WDR7: variants seen among roughly 807,000 people sequenced by gnomAD.
WDR7 encodes WD repeat-containing protein 7.
A neutral mutation model predicts 169.4 loss-of-function variants in WDR7; 46 were observed. The ratio of observed to expected loss-of-function variants is 0.27; its 90% CI spans 0.21 to 0.35. The LOEUF (loss-of-function observed/expected upper bound fraction) is 0.35, where lower values mean the gene tolerates loss of function less well. WDR7 is among the 10% of genes least tolerant of loss of function. WDR7 has a pLI of 1.00. For missense variants in WDR7, 1,534 were observed against 1,859.3 expected (o/e 0.83, Z 3.22); for synonymous variants, 612 against 666.8 (o/e 0.92, Z 1.27).
At chr18:57,025,365 C>T (rs2048353131) in intron 27 of WDR7, among the ~76,000 whole-genome samples, 1 of 152,048 alleles carries the variant, frequency 6.6e-6, no homozygotes, top group African/African-American at 2.4e-5. Flanking sequence ...TCAAATTAAG[C>T]TCATCATCAT....
chr18:56,842,112 A>G (rs2045495748), intron 20 of WDR7, among the ~76,000 whole-genome samples: 1 of 152,060 alleles, frequency 6.6e-6, no homozygotes, highest in Non-Finnish European at 1.5e-5. Context: ...TCATCAACAT[A>G]TTTGTTTTCA....
intron 20 of WDR7, among the ~76,000 whole-genome samples, chr18:56,866,447 G>A (rs1055033400): frequency 6.6e-5 from 10 of 151,188 alleles, no homozygotes; most frequent in African/African-American, 2.2e-4. Flanking sequence ...AGTAAAAGGT[G>A]GACTTCAGTT....
chr18:56,955,897 C>A (rs1463058321), intron 25 of WDR7, among the ~76,000 whole-genome samples: 7 of 152,088 alleles, frequency 4.6e-5, no homozygotes, highest in African/African-American at 1.7e-4. Flanking sequence ...TAGATCCAGG[C>A]AATAAGGAAC....
Position 57,015,471 on chromosome 18 carries a change from T to C in WDR7, c.4165-5274T>C, listed in dbSNP as rs2048193410. 2.6e-5 allele frequency among the ~76,000 whole-genome samples: 4 copies of C among 152,206 alleles called. No homozygotes were observed. In the South Asian group the frequency reaches 8.3e-4, roughly 32 times the overall value. On this transcript the variant is annotated intron_variant, in intron 26 of 27. Coordinates refer to ENST00000254442, the MANE Select transcript of WDR7 (RefSeq NM_015285.3). ...TTTTTTTTTCCTGGAACATAATTAA[T>C]TCTTAACTTTTAAACTCTTTTGAAA...
intron 20 of WDR7, among the ~76,000 whole-genome samples, chr18:56,828,906 C>T (rs2145270887): frequency 6.6e-6 from 1 of 152,120 alleles, no homozygotes; most frequent in Non-Finnish European, 1.5e-5. Context: ...AGCTGAGGAT[C>T]TAGTGATCCA....
chr18:57,007,170 G>A (rs531869489), intron 26 of WDR7, among the ~76,000 whole-genome samples: 2 of 152,044 alleles, frequency 1.3e-5, no homozygotes, highest in South Asian at 2.1e-4. Context: ...TAGTAGAGAC[G>A]GGGTTTCACC....
chr18:56,659,193 C>CAAT (rs3983277), intron 1 of WDR7, among the ~76,000 whole-genome samples: 139,557 of 152,000 alleles, frequency 0.92, 65,228 homozygotes, highest in East Asian at 1. Flanking sequence ...GGGAAAAAAA[C>CAAT]AATATGTTAA....
chr18:56,762,494 G>T (rs982557350), intron 16 of WDR7, among the ~76,000 whole-genome samples: 1 of 151,630 alleles, frequency 6.6e-6, no homozygotes, highest in African/African-American at 2.4e-5. Context: ...TGTCAGTTTT[G>T]TTAAGTAGTA....
intron 21 of WDR7, among the ~76,000 whole-genome samples, chr18:56,886,407 A>G (rs924389487): frequency 6.6e-6 from 1 of 152,212 alleles, no homozygotes; most frequent in Non-Finnish European, 1.5e-5. Context: ...AGGAAAGATA[A>G]AGTCTTTTTC....
intron 26 of WDR7, among the ~76,000 whole-genome samples, chr18:57,003,404 A>ATTTAAAAAGCACTCTTTTTAAAGTCC (rs2048010119): frequency 6.6e-6 from 1 of 152,104 alleles, no homozygotes; most frequent in African/African-American, 2.4e-5. Context: ...TTTGAACAAC[A>ATTTAAAAAGCACTCTTTTTAAAGTCC]TTTAAAAAGC....
intron 21 of WDR7, among the ~76,000 whole-genome samples, chr18:56,898,720 T>A (rs114947561): frequency 0.012 from 1,855 of 152,142 alleles, 45 homozygotes; most frequent in African/African-American, 0.04. Context: ...TCAGGAACTG[T>A]CACAGATTGA....
intron 13 of WDR7, 33 bp downstream of exon 13, chr18:56,718,192 A>G (rs1262368829): frequency 6.9e-7 from 1 of 1,443,124 alleles, no homozygotes; most frequent in Non-Finnish European, 9.2e-7. Context: ...ACTATAGAAA[A>G]TTAAATGGGT....
chr18:56,749,386 T>TTGTG (rs71863855), intron 14 of WDR7, among the ~76,000 whole-genome samples: 3,425 of 148,682 alleles, frequency 0.023, 49 homozygotes, highest in East Asian at 0.039. Context: ...GTGTGTGTGT[T>TTGTG]TGTGTGTGTG....
intron 16 of WDR7, among the ~76,000 whole-genome samples, chr18:56,763,542 G>T (rs1376903890): frequency 6.6e-6 from 1 of 152,184 alleles, no homozygotes; most frequent in Non-Finnish European, 1.5e-5. Flanking sequence ...AGGAAGTTTG[G>T]TCTTTAGTTT....
intron 20 of WDR7, among the ~76,000 whole-genome samples, chr18:56,873,260 G>A (rs1370227512): frequency 1.3e-5 from 2 of 152,126 alleles, no homozygotes; most frequent in Non-Finnish European, 2.9e-5. Context: ...CTATGTACAT[G>A]CCAACCTTTA....
In WDR7 at chr18:56,696,332, G is replaced by T; in HGVS notation, c.1448G>T (p.Arg483Ile). The change falls in exon 12 of 28, where the codon AGA becomes ATA. Residue 483 changes from arginine to isoleucine, a missense_variant. Transcript: ENST00000254442. Reference protein sequence around the residue: ...PHQVSARYDQRYLISGGVDFS... With the variant: ...PHQVSARYDQIYLISGGVDFS... ...CAGGTCTCAGCTCGGTATGATCAAA[G>T]ATACCTGATATCTGGAGGTGTGGAT... 1 of 1,614,156 alleles carries T rather than the reference G, an allele frequency of 6.2e-7. No homozygotes were observed. Among genetic ancestry groups the T allele is most frequent in the Non-Finnish European group, 8.5e-7 (1 of 1,180,018 alleles).
chr18:57,008,570 C>T (rs1363005096), intron 26 of WDR7, among the ~76,000 whole-genome samples: 1 of 152,196 alleles, frequency 6.6e-6, no homozygotes, highest in African/African-American at 2.4e-5. Context: ...TCACTTGGCA[C>T]ATGTTTGCTT....
chr18:57,024,992 G>A (rs1299672724), intron 27 of WDR7, among the ~76,000 whole-genome samples: 1 of 152,166 alleles, frequency 6.6e-6, no homozygotes, highest in Admixed American at 6.5e-5. Context: ...TATCAAAGTA[G>A]GGATGGCTCA....
At chr18:56,898,311 A>G (rs1468051837) in intron 21 of WDR7, among the ~76,000 whole-genome samples, 1 of 152,118 alleles carries the variant, frequency 6.6e-6, no homozygotes, top group Non-Finnish European at 1.5e-5. Context: ...ATTCTGGTTA[A>G]TAAATATAGC....
Sources: gnomAD v4.1 joint callset for allele counts (sites outside exome capture counted in the v4.1 genomes callset) on GRCh38, gnomAD v4.1.1 for gene constraint, MANE v1.5 for transcripts, NCBI Gene and HGNC (gene_info 2026-07-23, HGNC 2026-07-21) for gene names.